Variants in ADCY1 observed in about 807,000 individuals in gnomAD.
ADCY1 encodes adenylate cyclase type 1.
Under a neutral mutation model 105.4 loss-of-function variants are expected in ADCY1, and 28 were observed. The observed-to-expected ratio is 0.27, with a 90% CI of 0.20 to 0.36. ADCY1 has a LOEUF of 0.36. ADCY1 is among the 10% of genes least tolerant of loss of function. The pLI, the probability that ADCY1 is intolerant of heterozygous loss-of-function variation, is 1.00. For synonymous variants in ADCY1, 655 were observed against 623.8 expected, an observed-to-expected ratio of 1.05 and a Z score of -0.75; for missense variants, 977 against 1,434.2, an observed-to-expected ratio of 0.68 and a Z score of 5.15.
At chr7:45,699,410 T>C (rs1384944649) in intron 14 of ADCY1, among the ~76,000 whole-genome samples, 2 of 152,064 alleles carry the variant, frequency 1.3e-5, no homozygotes, top group Non-Finnish European at 2.9e-5. Flanking sequence ...CTGTGAGGTG[T>C]TCAAGGAAAC....
At position 45,676,048 on chromosome 7, in the gene ADCY1, G is replaced by T. The variant is rs112649020; in HGVS notation, c.1606-1821G>T. ...TCCACAGTTCCAAAGGCTCTGTTTTGTTTTTTTTTTTTAAGTCTGTTTTCT... is the reference window on the plus strand; with the variant it reads ...TCCACAGTTCCAAAGGCTCTGTTTTTTTTTTTTTTTTTAAGTCTGTTTTCT... On this transcript the variant is annotated intron_variant, in intron 8 of 19. Transcript: ENST00000297323. Among the ~76,000 whole-genome samples, 278 of 143,136 alleles carry T rather than the reference G, an allele frequency of 1.9e-3. 1 individual carries two copies. Among genetic ancestry groups the T allele is most frequent in the Middle Eastern group, 7.2e-3 (2 of 278 alleles). The allele number at this position is 143,136 out of a possible 152,430, so 93.9% of individuals were successfully genotyped here. A position where few individuals can be genotyped will look rare whatever the true frequency, so the allele number is the denominator to read the frequency against.
intron 19 of ADCY1, among the ~76,000 whole-genome samples, chr7:45,711,889 T>TA (rs1453904578): frequency 3.3e-5 from 3 of 92,128 alleles, no homozygotes; most frequent in Admixed American, 1.7e-4. Flanking sequence ...TATAAATATA[T>TA]TTATATATTA....
At chr7:45,631,809 G>T (rs1172999253) in intron 4 of ADCY1, among the ~76,000 whole-genome samples, 3 of 152,174 alleles carry the variant, frequency 2.0e-5, no homozygotes, top group Non-Finnish European at 4.4e-5. Context: ...AGCCAAGCCT[G>T]CATATCTCTG....
At chr7:45,582,400 A>G (rs1681593760) in intron 1 of ADCY1, among the ~76,000 whole-genome samples, 1 of 152,130 alleles carries the variant, frequency 6.6e-6, no homozygotes, top group South Asian at 2.1e-4. Context: ...TACCTGCATC[A>G]TGGAAGTGTA....
Position 45,716,612 on chromosome 7 carries a change from GC to G in ADCY1, c.*2622del. On this transcript the variant is annotated 3_prime_UTR_variant, in exon 20 of 20. Transcript: ENST00000297323. Reference sequence around the variant, plus strand: ...AGCCCCTGGCACAGCCAACCCTGTTGCCCCCAGTGCCGCTGCCCAGCTTCGG... The same window carrying G: ...AGCCCCTGGCACAGCCAACCCTGTTGCCCCAGTGCCGCTGCCCAGCTTCGG... 6.5e-6 allele frequency: 1 copy of G among 153,248 alleles called. No homozygotes were observed. The highest frequency in any genetic ancestry group is 1.5e-5 in the Non-Finnish European group (1 of 68,786). The allele number at this position is 153,248 out of a possible 1,614,324, so 9.5% of individuals were successfully genotyped here.
At chr7:45,664,513 A>T (rs905699301) in intron 8 of ADCY1, 8 of 1,380,554 alleles carry the variant, frequency 5.8e-6, no homozygotes, top group Admixed American at 2.7e-5. Flanking sequence ...ATAATTGATT[A>T]TGGAAAATAT....
chr7:45,626,887 G>A lies in ADCY1; in HGVS notation c.1020+4144G>A, dbSNP rs546083581. On this transcript the variant is annotated intron_variant, in intron 4 of 19. Coordinates refer to ENST00000297323, the MANE Select transcript of ADCY1 (RefSeq NM_021116.4). ...GAGTGACAGCCTTGGGGTGCAGAGG[G>A]CTGGGCAGTGTGTGGGTGGGGGCAC... Among the ~76,000 whole-genome samples the A allele has an allele frequency of 1.1e-4, 17 of 152,316 alleles. 1 individual carries two copies. In the South Asian group the frequency reaches 2.3e-3, roughly 20 times the overall value.
intron 2 of ADCY1, among the ~76,000 whole-genome samples, chr7:45,597,518 T>C (rs1395017513): frequency 6.6e-6 from 1 of 151,142 alleles, no homozygotes; most frequent in African/African-American, 2.4e-5. Context: ...CTGTGCCTAC[T>C]TACTGCTAAC....
At chr7:45,652,807 G>C (rs1794846023) in intron 5 of ADCY1, among the ~76,000 whole-genome samples, 1 of 152,158 alleles carries the variant, frequency 6.6e-6, no homozygotes, top group South Asian at 2.1e-4. Flanking sequence ...GGACTTGAAA[G>C]TGGGATCCCA....
Position 45,575,946 on chromosome 7 carries a change from C to G in ADCY1, c.639+764C>G, listed in dbSNP as rs1219302321. The stretch of plus-strand genomic sequence containing the variant: ...CTGGAGGAGCCTGCTCTTCCAACTG[C>G]CCGGAGGTGGACGTGGACCAGAGGT... On this transcript the variant is annotated intron_variant, in intron 1 of 19. Transcript: ENST00000297323. This position sits in a 1 kb window ranked among gnomAD's most constrained non-coding sequence, Gnocchi z 4.7. Among the ~76,000 whole-genome samples the G allele has an allele frequency of 6.6e-6, 1 of 152,246 alleles. No homozygotes were observed. Among genetic ancestry groups the G allele is most frequent in the Non-Finnish European group, 1.5e-5 (1 of 68,048 alleles).
chr7:45,634,399 G>A (rs1417361424), intron 4 of ADCY1, among the ~76,000 whole-genome samples: 3 of 147,816 alleles, frequency 2.0e-5, no homozygotes, highest in Non-Finnish European at 4.5e-5. Context: ...AGTTGAGCAA[G>A]TTTCCTTTTA....
At chr7:45,583,248 T>C (rs1792617263) in intron 1 of ADCY1, among the ~76,000 whole-genome samples, 1 of 152,224 alleles carries the variant, frequency 6.6e-6, no homozygotes, top group African/African-American at 2.4e-5. Flanking sequence ...TGTGCATGTG[T>C]TTCCATGCGT....
At chr7:45,674,432 T>C (rs769170403) in intron 8 of ADCY1, among the ~76,000 whole-genome samples, 1 of 152,160 alleles carries the variant, frequency 6.6e-6, no homozygotes, top group African/African-American at 2.4e-5. Context: ...TGGAGTGCAG[T>C]GGTATGATCT....
chr7:45,578,042 C>T (rs1792401605), intron 1 of ADCY1, among the ~76,000 whole-genome samples: 1 of 152,228 alleles, frequency 6.6e-6, no homozygotes, highest in South Asian at 2.1e-4. Context: ...TTCATTGTTC[C>T]AGTTCTGGTG....
rs186250841 is a variant in ADCY1, at chr7:45,708,782, G to A, written c.2932+318G>A. Among the ~76,000 whole-genome samples, 42 of 152,208 alleles carry A rather than the reference G, an allele frequency of 2.8e-4. No homozygotes were observed. Among genetic ancestry groups the A allele is most frequent in the Admixed American group, 1.7e-3 (26 of 15,280 alleles). Reference sequence around the variant, plus strand: ...AAGTAAAATGCCCTTTTCCCTGTTCGCCAGCCACGGCTACATAGTTGAGGC... The same window carrying A: ...AAGTAAAATGCCCTTTTCCCTGTTCACCAGCCACGGCTACATAGTTGAGGC... On this transcript the variant is annotated intron_variant, in intron 18 of 19. Transcript: ENST00000297323. This position sits in a 1 kb window ranked among gnomAD's most constrained non-coding sequence, Gnocchi z 4.7.
intron 3 of ADCY1, among the ~76,000 whole-genome samples, chr7:45,610,939 AGGAGG>A (rs1793561142): frequency 1.5e-5 from 1 of 66,070 alleles, no homozygotes; most frequent in Non-Finnish European, 2.9e-5. Context: ...TTTGGAGGTG[AGGAGG>A]TGATAGTGGA....
At chr7:45,612,457 C>T (rs1280825498) in intron 3 of ADCY1, among the ~76,000 whole-genome samples, 1 of 152,178 alleles carries the variant, frequency 6.6e-6, no homozygotes, top group Admixed American at 6.5e-5. Flanking sequence ...TCATTTCACT[C>T]ACTGCCTCTT....
In ADCY1 at chr7:45,686,876, G is replaced by A. The variant is rs555535805; in HGVS notation, c.2454+203G>A. On this transcript the variant is annotated intron_variant, in intron 14 of 19. Coordinates refer to ENST00000297323, the MANE Select transcript of ADCY1 (RefSeq NM_021116.4). The surrounding 1 kb of genome is among the most constrained non-coding windows in gnomAD (Gnocchi z 4.3). ...GTGCAGGGAGTGGGAGCCATGCCTC[G>A]TGAGAGGACAGTTCAGAAGGTTGTG... Among the ~76,000 whole-genome samples, 12 of 152,276 alleles carry A rather than the reference G, an allele frequency of 7.9e-5. No homozygotes were observed. Among genetic ancestry groups the A allele is most frequent in the Middle Eastern group, 3.4e-3 (1 of 294 alleles).
In ADCY1 at chr7:45,614,207, GTA is replaced by G. The variant is rs142465999; in HGVS notation, c.908+3712_908+3713del. 8.0e-3 allele frequency among the ~76,000 whole-genome samples: 1,210 copies of G among 152,188 alleles called. 66 individuals carry two copies. In the East Asian group the frequency reaches 0.13, roughly 16 times the overall value. On this transcript the variant is annotated intron_variant, in intron 3 of 19. Transcript: ENST00000297323. ...AGTATTAAAAATAAATAACTGGAAA[GTA>G]TGTTAAAATATATACTATATGAATA...
Sources: allele counts gnomAD v4.1 joint callset (sites outside exome capture counted in the v4.1 genomes callset), GRCh38; gene constraint gnomAD v4.1.1; non-coding constraint Gnocchi (gnomAD v3.1); transcripts MANE v1.5; gene names NCBI Gene and HGNC (gene_info 2026-07-23, HGNC 2026-07-21).